The following RANBP2 variants were observed in gnomAD, a reference collection of about 807,000 sequenced individuals.
RANBP2 encodes RAN binding protein 2.
A neutral mutation model predicts 303.6 loss-of-function variants in RANBP2; 57 were observed. That is an observed-to-expected ratio of 0.19 (90% confidence interval 0.15 to 0.23). The LOEUF (loss-of-function observed/expected upper bound fraction) is 0.23. Ranked by LOEUF, RANBP2 falls within the 10% of genes least tolerant of loss-of-function variation. RANBP2 has a pLI of 1.00. For missense variants in RANBP2, 3,138 were observed against 3,780.8 expected (o/e 0.83, Z 4.46); for synonymous variants, 1,167 against 1,301.5 (o/e 0.90, Z 2.23).
chr2:109,382,940 C>T, the RANBP2 span, among the ~76,000 whole-genome samples: 2 of 152,352 alleles, frequency 1.3e-5, no homozygotes, highest in Middle Eastern at 3.4e-3. Context: ...TCTTCCAGGC[C>T]CATGCTCACT....
chr2:109,606,404 ACT>A, the RANBP2 span, among the ~76,000 whole-genome samples: 6 of 151,940 alleles, frequency 3.9e-5, no homozygotes, highest in African/African-American at 7.3e-5. Context: ...ACAAAGCAAG[ACT>A]CTGTCTCAAA....
At chr2:108,721,353 A>G (rs917326367) in intron 1 of RANBP2, among the ~76,000 whole-genome samples, 3 of 152,210 alleles carry the variant, frequency 2.0e-5, no homozygotes, top group Admixed American at 1.3e-4. Context: ...AACTGCTAGC[A>G]TAGTATAAAT....
At chr2:108,807,981 A>G in the RANBP2 span, among the ~76,000 whole-genome samples, 1 of 152,112 alleles carries the variant, frequency 6.6e-6, no homozygotes, top group African/African-American at 2.4e-5. Flanking sequence ...AGCCATCCCA[A>G]CCTCTAGTAA....
At chr2:109,523,673 C>T in the RANBP2 span, among the ~76,000 whole-genome samples, 3 of 152,180 alleles carry the variant, frequency 2.0e-5, no homozygotes, top group African/African-American at 2.4e-5. Context: ...GCTGGCACCT[C>T]GCCCAGCTCT....
chr2:109,663,994 T>C, the RANBP2 span, among the ~76,000 whole-genome samples: 1 of 152,066 alleles, frequency 6.6e-6, no homozygotes, highest in Non-Finnish European at 1.5e-5. Flanking sequence ...AGGCACAGGG[T>C]GAAATCTCTG....
chr2:108,860,576 G>A, the RANBP2 span, among the ~76,000 whole-genome samples: 2 of 151,538 alleles, frequency 1.3e-5, no homozygotes, highest in African/African-American at 4.8e-5. Context: ...GCATCTAGGG[G>A]TTTTTGTTTT....
At chr2:109,520,596 C>T in the RANBP2 span, among the ~76,000 whole-genome samples, 1 of 58,048 alleles carries the variant, frequency 1.7e-5, no homozygotes, top group Non-Finnish European at 2.9e-5. Flanking sequence ...AAGACTCCAT[C>T]TCAAAAAAAA....
the RANBP2 span, among the ~76,000 whole-genome samples, chr2:109,252,939 G>A: frequency 1.3e-5 from 2 of 152,194 alleles, no homozygotes; most frequent in Admixed American, 1.3e-4. Flanking sequence ...GGGACTGACT[G>A]TAGTCAATCA....
chr2:109,031,624 C>G, the RANBP2 span, among the ~76,000 whole-genome samples: 1 of 152,130 alleles, frequency 6.6e-6, no homozygotes, highest in Non-Finnish European at 1.5e-5. Context: ...CTGTGTGCAC[C>G]CCCTGCAGCT....
At chr2:109,420,101 T>G in the RANBP2 span, among the ~76,000 whole-genome samples, 1 of 152,238 alleles carries the variant, frequency 6.6e-6, no homozygotes, top group Non-Finnish European at 1.5e-5. Flanking sequence ...GCATGCCAGC[T>G]GCATCTCATC....
the RANBP2 span, among the ~76,000 whole-genome samples, chr2:109,577,381 G>C: frequency 6.6e-6 from 1 of 152,040 alleles, no homozygotes; most frequent in Admixed American, 6.6e-5. Context: ...ATCACCTGAG[G>C]TCAGGAGTTC....
the RANBP2 span, among the ~76,000 whole-genome samples, chr2:108,967,362 C>A: frequency 1.3e-5 from 2 of 152,142 alleles, no homozygotes; most frequent in African/African-American, 4.8e-5. Flanking sequence ...AGTTCATGTT[C>A]TCCCTGAGGC....
the RANBP2 span, among the ~76,000 whole-genome samples, chr2:109,065,509 T>C: frequency 1.3e-5 from 2 of 152,152 alleles, no homozygotes; most frequent in Non-Finnish European, 2.9e-5. Flanking sequence ...AGCCAGGACA[T>C]TTCTGCTGGA....
At chr2:109,348,199 G>A in the RANBP2 span, among the ~76,000 whole-genome samples, 1 of 152,214 alleles carries the variant, frequency 6.6e-6, no homozygotes, top group African/African-American at 2.4e-5. Flanking sequence ...CTACATAGGA[G>A]CTTGAGATAA....
the RANBP2 span, among the ~76,000 whole-genome samples, chr2:109,664,840 G>T: frequency 6.6e-6 from 1 of 151,658 alleles, no homozygotes; most frequent in Non-Finnish European, 1.5e-5. Context: ...TGAGGCAGGA[G>T]AACTGCTTGA....
At chr2:109,002,746 G>A in the RANBP2 span, among the ~76,000 whole-genome samples, 1 of 152,136 alleles carries the variant, frequency 6.6e-6, no homozygotes, top group African/African-American at 2.4e-5. Context: ...TTGTTTTGGT[G>A]GGATAGATAA....
chr2:109,102,846 A>C, the RANBP2 span, among the ~76,000 whole-genome samples: 1 of 152,238 alleles, frequency 6.6e-6, no homozygotes, highest in African/African-American at 2.4e-5. Context: ...ACCTGCTGAG[A>C]GAACAAATGT....
At chr2:109,113,309 T>C in the RANBP2 span, among the ~76,000 whole-genome samples, 10 of 152,164 alleles carry the variant, frequency 6.6e-5, no homozygotes, top group Non-Finnish European at 1.0e-4. Flanking sequence ...TTTTATTTCA[T>C]TGAGCAGTGG....
downstream of RANBP2, among the ~76,000 whole-genome samples, chr2:108,788,401 C>G (rs558376320): frequency 2.8e-5 from 4 of 142,292 alleles, no homozygotes; most frequent in Non-Finnish European, 6.1e-5. Flanking sequence ...GCCTGGGCAA[C>G]AAGAGCGAAA....
Sources: gnomAD v4.1 joint callset for allele counts (sites outside exome capture counted in the v4.1 genomes callset) on GRCh38, gnomAD v4.1.1 for gene constraint, MANE v1.5 for transcripts, NCBI Gene and HGNC (gene_info 2026-07-23, HGNC 2026-07-21) for gene names.